FRS2: variants seen among roughly 807,000 people sequenced by gnomAD.
FRS2 encodes FGFR signalling adaptor.
In FRS2, 8 loss-of-function variants were observed where a neutral mutation model predicts 43.9. That is an observed-to-expected ratio of 0.18 (90% CI 0.11 to 0.33). FRS2 has a LOEUF of 0.33. Among genes scored for constraint, FRS2 ranks in the 10% least tolerant of loss-of-function variants. The pLI is 1.00. For synonymous variants in FRS2, 219 were observed against 220.3 expected, an observed-to-expected ratio of 0.99 and a Z score of 0.05; for missense variants, 534 against 627.6, an observed-to-expected ratio of 0.85 and a Z score of 1.59.
At chr12:69,527,729 C>T (rs969382219) in intron 1 of FRS2, among the ~76,000 whole-genome samples, 1 of 152,074 alleles carries the variant, frequency 6.6e-6, no homozygotes, top group Non-Finnish European at 1.5e-5. Context: ...ATAGAAGTTG[C>T]TCAATAAAAG....
chr12:69,565,355 T>C (rs547181881), intron 4 of FRS2, among the ~76,000 whole-genome samples: 4 of 152,364 alleles, frequency 2.6e-5, no homozygotes, highest in Non-Finnish European at 4.4e-5. Context: ...TAGAATGTTA[T>C]CGTACACTAC....
intron 1 of FRS2, among the ~76,000 whole-genome samples, chr12:69,506,704 A>G (rs376531761): frequency 1.3e-5 from 2 of 151,966 alleles, no homozygotes; most frequent in East Asian, 1.9e-4. Flanking sequence ...CTTCTTAGTC[A>G]TTTCTCTGTT....
At chr12:69,563,529 C>A (rs553305204) in intron 4 of FRS2, among the ~76,000 whole-genome samples, 1 of 152,314 alleles carries the variant, frequency 6.6e-6, no homozygotes, top group Non-Finnish European at 1.5e-5. Flanking sequence ...GTATTGCCAA[C>A]ATACTTTAGT....
At chr12:69,495,633 T>C (rs992651069) in intron 1 of FRS2, among the ~76,000 whole-genome samples, 3 of 152,158 alleles carry the variant, frequency 2.0e-5, no homozygotes, top group South Asian at 2.1e-4. Context: ...TACAAAATAA[T>C]GCTTAACAGT....
intron 5 of FRS2, among the ~76,000 whole-genome samples, chr12:69,569,462 T>C (rs1294735403): frequency 3.3e-5 from 5 of 152,236 alleles, no homozygotes; most frequent in Non-Finnish European, 7.3e-5. Flanking sequence ...ATTCATCCTG[T>C]AGTCACCATC....
At chr12:69,483,662 T>C (rs1871551633) in intron 1 of FRS2, among the ~76,000 whole-genome samples, 1 of 152,158 alleles carries the variant, frequency 6.6e-6, no homozygotes, top group Non-Finnish European at 1.5e-5. Flanking sequence ...TCATATTTAG[T>C]TGTTGCTATC....
intron 3 of FRS2, among the ~76,000 whole-genome samples, chr12:69,543,616 G>C (rs1439544726): frequency 1.3e-5 from 2 of 151,584 alleles, no homozygotes. Flanking sequence ...AGTGGGTAAG[G>C]GTTTATCTAT....
intron 3 of FRS2, among the ~76,000 whole-genome samples, chr12:69,542,985 T>C (rs1878052939): frequency 1.3e-5 from 2 of 152,220 alleles, no homozygotes; most frequent in African/African-American, 4.8e-5. Flanking sequence ...ACATCTGCTA[T>C]AATAACTATA....
At position 69,557,121 on chromosome 12, in the gene FRS2, TTAAG is replaced by T. The variant is rs1164744858; in HGVS notation, c.-121-5056_-121-5053del. On this transcript the variant is annotated intron_variant, in intron 3 of 8. Transcript: ENST00000549921. ...ATTTTATATATGTGTTTTTCATAAG[TTAAG>T]TATTTATTATGCTAGAGTTCTGTCC... 5.3e-5 allele frequency among the ~76,000 whole-genome samples: 8 copies of T among 152,342 alleles called. No individual in the cohort carries two copies. The East Asian group carries it at 1.5e-3, about 29-fold the overall frequency.
chr12:69,518,542 G>T (rs572570345), intron 1 of FRS2, among the ~76,000 whole-genome samples: 1 of 151,638 alleles, frequency 6.6e-6, no homozygotes, highest in Non-Finnish European at 1.5e-5. Flanking sequence ...CCCTGTCTCT[G>T]TGAAAACATA....
At chr12:69,491,861 A>G (rs537412649) in intron 1 of FRS2, among the ~76,000 whole-genome samples, 84 of 152,300 alleles carry the variant, frequency 5.5e-4, no homozygotes, top group Non-Finnish European at 1.0e-3. Context: ...TGCCCGTGCA[A>G]GTACTTTAAA....
intron 3 of FRS2, among the ~76,000 whole-genome samples, chr12:69,548,611 C>A (rs1565765682): frequency 2.0e-5 from 3 of 152,136 alleles, no homozygotes; most frequent in African/African-American, 7.2e-5. Context: ...TTGAAAACAT[C>A]AGTAACAGCT....
Position 69,523,482 on chromosome 12 carries a change from A to G in FRS2, c.-260-7383A>G, listed in dbSNP as rs142956032. Reference sequence around the variant, plus strand: ...GTCCATGGGTGTCACTGCATGTGAGATGGGTCTCTTGAAACAGTATACCAT... The same window carrying G: ...GTCCATGGGTGTCACTGCATGTGAGGTGGGTCTCTTGAAACAGTATACCAT... On this transcript the variant is annotated intron_variant, in intron 1 of 8. Coordinates refer to ENST00000549921, the MANE Select transcript of FRS2 (RefSeq NM_001278356.2). Among the ~76,000 whole-genome samples the G allele has an allele frequency of 5.4e-3, 816 of 152,226 alleles. 7 individuals carry two copies. Among genetic ancestry groups the G allele is most frequent in the African/African-American group, 0.018 (766 of 41,508 alleles).
intron 1 of FRS2, chr12:69,491,504 C>CTTTTTTTTT (rs1181575947): frequency 8.8e-6 from 1 of 113,968 alleles, no homozygotes; most frequent in Non-Finnish European, 1.7e-5. Flanking sequence ...GCGTTTCTTC[C>CTTTTTTTTT]ATTTTTTTTT....
chr12:69,565,217 CA>C (rs1177470187), intron 4 of FRS2, among the ~76,000 whole-genome samples: 1 of 152,102 alleles, frequency 6.6e-6, no homozygotes, highest in African/African-American at 2.4e-5. Context: ...AGAAAAGGTA[CA>C]GTAAGAAAAC....
At chr12:69,504,719 A>G (rs1353790400) in intron 1 of FRS2, among the ~76,000 whole-genome samples, 1 of 152,236 alleles carries the variant, frequency 6.6e-6, no homozygotes, top group African/African-American at 2.4e-5. Context: ...TTAAAAACAC[A>G]AATAACTTTT....
chr12:69,507,222 A>G (rs1009526580), intron 1 of FRS2, among the ~76,000 whole-genome samples: 2 of 152,176 alleles, frequency 1.3e-5, no homozygotes, highest in African/African-American at 4.8e-5. Context: ...ACACTAGTCA[A>G]TTTCAAACTC....
chr12:69,570,062 TC>T (rs1423267386), intron 5 of FRS2, among the ~76,000 whole-genome samples: 4 of 152,216 alleles, frequency 2.6e-5, no homozygotes, highest in Non-Finnish European at 5.9e-5. Flanking sequence ...AGACCACACT[TC>T]CTGCCTTCTG....
intron 1 of FRS2, among the ~76,000 whole-genome samples, chr12:69,527,343 A>ATTT (rs1166365306): frequency 0.019 from 1,603 of 84,154 alleles, 81 homozygotes; most frequent in African/African-American, 0.076. Flanking sequence ...TTTTTTAATG[A>ATTT]TTTTTTTTTT....
Sources: allele counts gnomAD v4.1 joint callset (sites outside exome capture counted in the v4.1 genomes callset), GRCh38; gene constraint gnomAD v4.1.1; transcripts MANE v1.5; gene names NCBI Gene and HGNC (gene_info 2026-07-23, HGNC 2026-07-21).